The following EPHB2 variants were observed in gnomAD, a reference collection of about 807,000 sequenced individuals.
EPHB2 encodes the protein ephrin type-B receptor 2.
Under a neutral mutation model 96.4 loss-of-function variants are expected in EPHB2, and 18 were observed. That is an observed-to-expected ratio of 0.19 (90% CI 0.13 to 0.28). The LOEUF (loss-of-function observed/expected upper bound fraction) is 0.28, where lower values mean the gene tolerates loss of function less well. Among genes scored for constraint, EPHB2 ranks in the 10% least tolerant of loss-of-function variants. EPHB2 has a pLI of 1.00. For missense variants in EPHB2, 989 were observed against 1,355.4 expected (o/e 0.73, Z 4.25); for synonymous variants, 506 against 534.1 (o/e 0.95, Z 0.72).
intron 3 of EPHB2, among the ~76,000 whole-genome samples, chr1:22,856,067 C>T (rs896134236): frequency 2.6e-5 from 4 of 152,296 alleles, no homozygotes; most frequent in South Asian, 2.1e-4. Flanking sequence ...TTCCAAGCCT[C>T]GGCAGCCTGA....
chr1:22,774,223 G>A (rs533882390), intron 1 of EPHB2, among the ~76,000 whole-genome samples: 62 of 152,286 alleles, frequency 4.1e-4, no homozygotes, highest in Non-Finnish European at 6.0e-4. Flanking sequence ...GCTCCTGGCC[G>A]GGACCAGCCG....
intron 9 of EPHB2, among the ~76,000 whole-genome samples, chr1:22,903,398 A>G (rs1339078019): frequency 1.3e-5 from 2 of 152,244 alleles, no homozygotes; most frequent in African/African-American, 4.8e-5. Flanking sequence ...CCTGGCTCTG[A>G]GAAGGCTGAT....
chr1:22,744,911 T>C (rs1643951046), intron 1 of EPHB2, among the ~76,000 whole-genome samples: 1 of 152,046 alleles, frequency 6.6e-6, no homozygotes, highest in African/African-American at 2.4e-5. Context: ...ATATTCACTA[T>C]TCATTCAGTG....
chr1:22,897,445 G>C (rs1639602054), intron 9 of EPHB2, among the ~76,000 whole-genome samples: 1 of 152,090 alleles, frequency 6.6e-6, no homozygotes, highest in Admixed American at 6.5e-5. Context: ...CAACTGTCGT[G>C]GGCCTACCAC....
rs534860917 is a variant in EPHB2, at chr1:22,724,739, G to A, written c.61+13696G>A. On this transcript the variant is annotated intron_variant, in intron 1 of 15. Transcript: ENST00000374630. The stretch of plus-strand genomic sequence containing the variant: ...GATGGCAGCTTCCCACCCAGCTGCC[G>A]CAGGACATGGCCCTTTCTCTCTAGG... Among the ~76,000 whole-genome samples, 21 of 152,256 alleles carry A rather than the reference G, an allele frequency of 1.4e-4. No individual in the cohort carries two copies. The South Asian group carries it at 3.9e-3, about 29-fold the overall frequency.
intron 1 of EPHB2, among the ~76,000 whole-genome samples, chr1:22,770,443 C>A (rs890161347): frequency 6.6e-6 from 1 of 152,092 alleles, no homozygotes; most frequent in Non-Finnish European, 1.5e-5. Context: ...ACATCAAGTC[C>A]CAGCAGGTCC....
intron 3 of EPHB2, among the ~76,000 whole-genome samples, chr1:22,851,156 A>T (rs1034391567): frequency 1.3e-5 from 2 of 152,000 alleles, no homozygotes; most frequent in Non-Finnish European, 2.9e-5. Flanking sequence ...CACCACGCCC[A>T]GCTCATTTTT....
rs10732280 is a variant in EPHB2, at chr1:22,858,143, C to A, written c.812-4894C>A. Among the ~76,000 whole-genome samples the A allele has an allele frequency of 0.95, 144,750 of 152,146 alleles. 69,251 individuals carry two copies. Among genetic ancestry groups the A allele is most frequent in the East Asian group, 1 (5,166 of 5,166 alleles). On this transcript the variant is annotated intron_variant, in intron 3 of 15. Coordinates refer to ENST00000374630, the MANE Select transcript of EPHB2 (RefSeq NM_017449.5). The surrounding 1 kb of genome is among the most constrained non-coding windows in gnomAD (Gnocchi z 7.7). ...CAGCGACGGGAAGAGCAGGGAAAGCCTTCCGGGCAGAGGGAACAGCTTGGC... is the reference window on the plus strand; with the variant it reads ...CAGCGACGGGAAGAGCAGGGAAAGCATTCCGGGCAGAGGGAACAGCTTGGC...
Position 22,906,989 on chromosome 1 carries a change from G to C in EPHB2, c.2136+32G>C. The C allele has an allele frequency of 6.3e-7, 1 of 1,579,742 alleles. No homozygotes were observed. Among genetic ancestry groups the C allele is most frequent in the Non-Finnish European group, 8.6e-7 (1 of 1,162,462 alleles). On this transcript the variant is annotated intron_variant, in intron 11 of 15. Transcript: ENST00000374630. This position sits in a 1 kb window ranked among gnomAD's most constrained non-coding sequence, Gnocchi z 4.8. ...GAAGCCAAGAGGGCCAGGGGCCCAT[G>C]AATGGGGCAGGAAAAGGAACGATGG...
chr1:22,741,696 A>AC lies in EPHB2; in HGVS notation c.61+30654dup, dbSNP rs1553160120. Among the ~76,000 whole-genome samples, 3 of 137,300 alleles carry AC rather than the reference A, an allele frequency of 2.2e-5. 1 individual carries two copies. Among genetic ancestry groups the AC allele is most frequent in the Non-Finnish European group, 3.2e-5 (2 of 62,692 alleles). 90.1% of individuals were successfully genotyped at this position (137,300 alleles called of 152,430 possible). ...CTTCCCAGCAAAAAAAAACAAAAAA[A>AC]CAAAAAACCTCAGTTTCTCACGTTG... is the stretch of plus-strand genomic sequence containing the variant. On this transcript the variant is annotated intron_variant, in intron 1 of 15. Transcript: ENST00000374630.
intron 6 of EPHB2, among the ~76,000 whole-genome samples, chr1:22,887,731 A>G (rs1257251911): frequency 1.3e-5 from 2 of 152,240 alleles, no homozygotes; most frequent in Non-Finnish European, 2.9e-5. Context: ...TGGTCCCCCA[A>G]GAACTCAAGG....
At chr1:22,785,163 T>C (rs1644593354) in intron 3 of EPHB2, 87 bp downstream of exon 3, 1 of 1,538,904 alleles carries the variant, frequency 6.5e-7, no homozygotes, top group Non-Finnish European at 8.8e-7. Context: ...GGGCCTGGCC[T>C]CTGAAGCTTA....
chr1:22,913,441 A>G lies in EPHB2; in HGVS notation c.2853-21A>G, dbSNP rs1167524438. On this transcript the variant is annotated intron_variant, in intron 15 of 15. Coordinates refer to ENST00000374630, the MANE Select transcript of EPHB2 (RefSeq NM_017449.5). The surrounding 1 kb of genome is among the most constrained non-coding windows in gnomAD (Gnocchi z 4.1). ...CCCTTCACCCGCATATTTCCCTAAC[A>G]CACGTGCTTCTCTCCCAAAGGGACA... 6.2e-7 allele frequency: 1 copy of G among 1,613,682 alleles called. No individual in the cohort carries two copies. The highest frequency in any genetic ancestry group is 8.5e-7 in the Non-Finnish European group (1 of 1,179,928).
chr1:22,893,601 C>T (rs1639461184), intron 7 of EPHB2, among the ~76,000 whole-genome samples: 1 of 152,198 alleles, frequency 6.6e-6, no homozygotes, highest in Non-Finnish European at 1.5e-5. Context: ...AGAAGCAGCA[C>T]AGTTTAAAGA....
intron 12 of EPHB2, 88 bp from the exon 13 acceptor site, chr1:22,908,934 C>A: frequency 6.4e-7 from 1 of 1,571,166 alleles, no homozygotes; most frequent in South Asian, 1.1e-5. Flanking sequence ...GAGATTGGGG[C>A]ATCACAGGGC....
Position 22,908,016 on chromosome 1 carries a change from A to G in EPHB2, c.2200A>G (p.Met734Val). 1 of 1,614,246 alleles carries G rather than the reference A, an allele frequency of 6.2e-7. No individual in the cohort carries two copies. Among genetic ancestry groups the G allele is most frequent in the African/African-American group, 1.3e-5 (1 of 75,070 alleles). ...VGMLRGIAAG[M>V]KYLADMNYVH... ...CATGCTTCGGGGCATCGCAGCTGGCATGAAGTACCTGGCAGACATGAACTA... is the reference window on the plus strand; with the variant it reads ...CATGCTTCGGGGCATCGCAGCTGGCGTGAAGTACCTGGCAGACATGAACTA... Residue 734 changes from methionine to valine, a missense_variant, in exon 12 of 16, where the codon ATG becomes GTG. Met to Val is a conservative substitution (Grantham distance 21). Coordinates refer to ENST00000374630, the MANE Select transcript of EPHB2 (RefSeq NM_017449.5).
intron 3 of EPHB2, among the ~76,000 whole-genome samples, chr1:22,819,236 T>TCTCTCTCTCTCTCTCTCTCC (rs1645117944): frequency 6.6e-6 from 1 of 150,936 alleles, no homozygotes; most frequent in African/African-American, 2.4e-5. Context: ...TCTCTCTCTC[T>TCTCTCTCTCTCTCTCTCTCC]CTCTCTCTCT....
chr1:22,767,369 T>C (rs908818132), intron 1 of EPHB2, among the ~76,000 whole-genome samples: 2 of 152,158 alleles, frequency 1.3e-5, no homozygotes, highest in African/African-American at 4.8e-5. Flanking sequence ...CTTGGGATCA[T>C]GAAAGGAGTT....
chr1:22,758,170 G>A (rs4655105), intron 1 of EPHB2, among the ~76,000 whole-genome samples: 133,541 of 144,830 alleles, frequency 0.92, 62,528 homozygotes, highest in Non-Finnish European at 1. Flanking sequence ...CGCCCGCCTC[G>A]GCCTCCCAAA....
Sources: allele counts gnomAD v4.1 joint callset (sites outside exome capture counted in the v4.1 genomes callset), GRCh38; gene constraint gnomAD v4.1.1; non-coding constraint Gnocchi (gnomAD v3.1); transcripts MANE v1.5; gene names NCBI Gene and HGNC (gene_info 2026-07-23, HGNC 2026-07-21).